Variants in CDH12 observed in about 807,000 individuals in gnomAD.
CDH12 encodes cadherin 12, also known as cadherin-12.
In CDH12, 41 loss-of-function variants were observed where a neutral mutation model predicts 74.1. The ratio of observed to expected loss-of-function variants is 0.55; its 90% confidence interval spans 0.43 to 0.72. The LOEUF is 0.72. CDH12 is among the 30% of genes least tolerant of loss of function. CDH12 has a pLI of 0.00. For synonymous variants in CDH12, 399 were observed against 355.0 expected (o/e 1.12, Z -1.39); for missense variants, 945 against 977.2 (o/e 0.97, Z 0.44).
intron 4 of CDH12, among the ~76,000 whole-genome samples, chr5:22,149,489 A>G (rs1747427780): frequency 6.6e-6 from 1 of 152,156 alleles, no homozygotes; most frequent in Non-Finnish European, 1.5e-5. Flanking sequence ...GAATTTTAAG[A>G]AAATCTCCCA....
rs35658227 is a variant in CDH12, at chr5:22,250,190, A to AATATAT, written c.-332-37553_-332-37548dup. ...TAGGCTAAATATTAAAAAAGAAAAGAATATATATATATATAGTCTACTGCT... is the reference window on the plus strand; with the variant it reads ...TAGGCTAAATATTAAAAAAGAAAAGAATATATATATATATATATATAGTCTACTGCT... On this transcript the variant is annotated intron_variant, in intron 3 of 14. Transcript: ENST00000382254. 2.5e-4 allele frequency among the ~76,000 whole-genome samples: 37 copies of AATATAT among 150,324 alleles called. No individual in the cohort carries two copies. The South Asian group carries it at 7.1e-3, about 29-fold the overall frequency.
At chr5:22,503,934 T>C (rs757525343) in intron 2 of CDH12, among the ~76,000 whole-genome samples, 30 of 152,030 alleles carry the variant, frequency 2.0e-4, no homozygotes, top group Non-Finnish European at 4.0e-4. Flanking sequence ...ATCATGGATA[T>C]TTAAGAATAT....
intron 1 of CDH12, among the ~76,000 whole-genome samples, chr5:22,771,653 CA>C (rs1205157422): frequency 6.6e-6 from 1 of 151,916 alleles, no homozygotes; most frequent in Non-Finnish European, 1.5e-5. Flanking sequence ...ACAGAAGTAA[CA>C]ATTATAGTAA....
At chr5:22,088,973 C>A (rs2150235535) in intron 4 of CDH12, among the ~76,000 whole-genome samples, 1 of 152,284 alleles carries the variant, frequency 6.6e-6, no homozygotes, top group South Asian at 2.1e-4. Flanking sequence ...CAAATACTGA[C>A]TGAACAACAT....
At chr5:22,554,227 G>T (rs1463817791) in intron 1 of CDH12, among the ~76,000 whole-genome samples, 1 of 152,068 alleles carries the variant, frequency 6.6e-6, no homozygotes, top group Non-Finnish European at 1.5e-5. Context: ...ATACTATAAT[G>T]GTGAATACAT....
chr5:22,107,816 C>T (rs1744570227), intron 4 of CDH12, among the ~76,000 whole-genome samples: 1 of 151,956 alleles, frequency 6.6e-6, no homozygotes, highest in Non-Finnish European at 1.5e-5. Context: ...AGATTTTTAT[C>T]ATTATATTTT....
chr5:22,460,125 G>C (rs1745440818), intron 2 of CDH12, among the ~76,000 whole-genome samples: 1 of 152,128 alleles, frequency 6.6e-6, no homozygotes, highest in African/African-American at 2.4e-5. Flanking sequence ...TAAGCAGCTA[G>C]AAATATTAAG....
chr5:21,842,929 T>C (rs527776277), intron 7 of CDH12, among the ~76,000 whole-genome samples: 8 of 152,136 alleles, frequency 5.3e-5, no homozygotes, highest in Non-Finnish European at 8.8e-5. Flanking sequence ...ACACAATGAG[T>C]GTATGCAAAC....
intron 12 of CDH12, among the ~76,000 whole-genome samples, chr5:21,761,198 C>T (rs912896923): frequency 1.3e-5 from 2 of 152,042 alleles, no homozygotes; most frequent in Non-Finnish European, 2.9e-5. Context: ...GGTAGGAATA[C>T]AAATTGTGTT....
At chr5:21,878,049 C>G (rs1752032165) in intron 6 of CDH12, among the ~76,000 whole-genome samples, 1 of 152,128 alleles carries the variant, frequency 6.6e-6, no homozygotes, top group Admixed American at 6.5e-5. Context: ...GCTTATGAAT[C>G]CAGATAAGTA....
At chr5:22,422,343 A>T (rs539304553) in intron 2 of CDH12, among the ~76,000 whole-genome samples, 2 of 152,240 alleles carry the variant, frequency 1.3e-5, no homozygotes, top group South Asian at 4.1e-4. Flanking sequence ...CTATTGAGAT[A>T]ATTATGCAGT....
intron 2 of CDH12, among the ~76,000 whole-genome samples, chr5:22,502,301 C>T (rs955664468): frequency 2.0e-5 from 3 of 152,064 alleles, no homozygotes; most frequent in African/African-American, 7.2e-5. Flanking sequence ...AATATACTCT[C>T]TTGCCTGCTG....
intron 1 of CDH12, among the ~76,000 whole-genome samples, chr5:22,648,287 A>G (rs1415530349): frequency 6.6e-6 from 1 of 151,852 alleles, no homozygotes; most frequent in African/African-American, 2.4e-5. Flanking sequence ...CTCTTCTACT[A>G]TTTCATAGAG....
intron 4 of CDH12, among the ~76,000 whole-genome samples, chr5:22,175,323 T>C (rs1215408871): frequency 6.6e-6 from 1 of 151,696 alleles, no homozygotes; most frequent in Admixed American, 6.6e-5. Context: ...CATCTATCCA[T>C]GTCAGATGTA....
intron 1 of CDH12, among the ~76,000 whole-genome samples, chr5:22,680,216 G>A (rs1283756863): frequency 6.6e-6 from 1 of 151,970 alleles, no homozygotes; most frequent in East Asian, 1.9e-4. Flanking sequence ...TATGGCCTTG[G>A]TAAACAGCTT....
intron 6 of CDH12, among the ~76,000 whole-genome samples, chr5:21,940,146 G>C (rs1463884976): frequency 1.3e-5 from 2 of 152,228 alleles, no homozygotes; most frequent in African/African-American, 4.8e-5. Flanking sequence ...AAAATCACTT[G>C]AGCCCAGGAG....
intron 1 of CDH12, among the ~76,000 whole-genome samples, chr5:22,610,521 G>A (rs1737344148): frequency 1.3e-5 from 2 of 151,802 alleles, no homozygotes; most frequent in Admixed American, 6.6e-5. Context: ...ATTCTCAGTT[G>A]GTTTTCTCTT....
At chr5:22,208,967 G>A (rs755472896) in intron 4 of CDH12, among the ~76,000 whole-genome samples, 10 of 152,122 alleles carry the variant, frequency 6.6e-5, no homozygotes, top group African/African-American at 1.9e-4. Context: ...AAAGTACGCT[G>A]GTTGGTTGTT....
chr5:22,758,630 A>T (rs536463346), intron 1 of CDH12, among the ~76,000 whole-genome samples: 1 of 152,220 alleles, frequency 6.6e-6, no homozygotes, highest in East Asian at 1.9e-4. Flanking sequence ...TTTACGCAGC[A>T]TTAACAGAGC....
Sources: allele counts gnomAD v4.1 joint callset (sites outside exome capture counted in the v4.1 genomes callset), GRCh38; gene constraint gnomAD v4.1.1; transcripts MANE v1.5; gene names NCBI Gene and HGNC (gene_info 2026-07-23, HGNC 2026-07-21).